The following MATR3 variants were observed in gnomAD, a reference collection of about 807,000 sequenced individuals.
MATR3 encodes matrin 3.
In MATR3, 4 loss-of-function variants were observed where a neutral mutation model predicts 85.5. That is an observed-to-expected ratio of 0.05 (90% CI 0.02 to 0.11). The LOEUF (loss-of-function observed/expected upper bound fraction) is 0.11, where lower values mean the gene tolerates loss of function less well. Ranked by LOEUF, MATR3 falls within the 10% of genes least tolerant of loss-of-function variation. The pLI is 1.00. For synonymous variants in MATR3, 336 were observed against 343.1 expected (o/e 0.98, Z 0.23); for missense variants, 685 against 1,016.1 (o/e 0.67, Z 4.43).
intron 7 of MATR3, 106 bp from the exon 8 acceptor site, chr5:139,318,802 C>A: frequency 9.8e-7 from 1 of 1,018,488 alleles, no homozygotes; most frequent in Non-Finnish European, 1.5e-6. Context: ...TTAAATATAT[C>A]TGAAAAGATT....
intron 5 of MATR3, among the ~76,000 whole-genome samples, chr5:139,316,471 C>G (rs987645186): frequency 3.3e-5 from 5 of 152,034 alleles, no homozygotes; most frequent in African/African-American, 1.2e-4. Context: ...GTCTCGAACT[C>G]TTGGCCTCAG....
intron 2 of MATR3, among the ~76,000 whole-genome samples, chr5:139,309,850 A>G (rs898957447): frequency 1.3e-5 from 2 of 152,140 alleles, no homozygotes; most frequent in Non-Finnish European, 2.9e-5. Context: ...GGTGACTCCA[A>G]TTTTTTCTGC....
At chr5:139,279,152 A>G (rs1753416810) in intron 3 of MATR3, 1 of 454,130 alleles carries the variant, frequency 2.2e-6, no homozygotes, top group African/African-American at 2.0e-5. Flanking sequence ...CTTGTCATGT[A>G]GGTCCCAATT....
chr5:139,320,743 C>CTTTTTTT lies in MATR3; in HGVS notation c.1603-1139_1603-1133dup, dbSNP rs1175972721. ...CTATTTTAATATCTTAAGCTTATTA[C>CTTTTTTT]TTTTTTTTTTTTTTTTTTTTTTGAG... On this transcript the variant is annotated intron_variant, in intron 9 of 14. Transcript: ENST00000394805. 1.0e-3 allele frequency among the ~76,000 whole-genome samples: 105 copies of CTTTTTTT among 102,410 alleles called. 1 individual carries two copies. Among genetic ancestry groups the CTTTTTTT allele is most frequent in the African/African-American group, 2.6e-3 (54 of 20,702 alleles). 67.2% of individuals were successfully genotyped at this position (102,410 alleles called of 152,430 possible).
intron 1 of MATR3, among the ~76,000 whole-genome samples, chr5:139,295,180 C>T (rs1013974612): frequency 2.6e-5 from 4 of 152,158 alleles, no homozygotes; most frequent in East Asian, 1.9e-4. Flanking sequence ...AAAAACATTT[C>T]TTTACTAATG....
At chr5:139,294,238 C>T (rs966815708) in intron 1 of MATR3, 15 of 414,796 alleles carry the variant, frequency 3.6e-5, no homozygotes, top group Non-Finnish European at 5.8e-5. Flanking sequence ...AGACTGTACA[C>T]TGGGGGCTTG....
At chr5:139,300,015 A>G (rs1482621088) in intron 1 of MATR3, 1 of 152,048 alleles carries the variant, frequency 6.6e-6, no homozygotes, top group African/African-American at 2.4e-5. Context: ...AAGATGTTTA[A>G]TTTTTCCACT....
intron 1 of MATR3, among the ~76,000 whole-genome samples, chr5:139,302,574 C>A (rs1295016131): frequency 6.6e-6 from 1 of 152,074 alleles, no homozygotes; most frequent in Non-Finnish European, 1.5e-5. Context: ...GAAACCTGTT[C>A]TTGAATTGAA....
chr5:139,308,321 T>C lies in MATR3; in HGVS notation c.906T>C (p.Ser302=). The C allele has an allele frequency of 6.2e-7, 1 of 1,614,138 alleles. No homozygotes were observed. The highest frequency in any genetic ancestry group is 1.1e-5 in the South Asian group (1 of 91,080). ...CTATATGTGATTTGCCAGTTCATTC[T>C]AATAAGGTGAGTTAACTCAACAGAT... The part of the protein sequence containing the change: ...LCSICDLPVH[S]NKEWSQHING... The change falls in exon 2 of 15, where the codon TCT becomes TCC. Residue 302 remains serine, a synonymous_variant. Transcript: ENST00000394805.
At chr5:139,298,182 T>A (rs1754257692) in intron 1 of MATR3, among the ~76,000 whole-genome samples, 1 of 152,196 alleles carries the variant, frequency 6.6e-6, no homozygotes, top group African/African-American at 2.4e-5. Context: ...CCGTCCCTCT[T>A]AACACACGGG....
chr5:139,317,251 A>G (rs1008761445), intron 6 of MATR3, 146 bp downstream of exon 6: 63 of 883,542 alleles, frequency 7.1e-5, no homozygotes, highest in Non-Finnish European at 1.0e-4. Context: ...TATGGCTTTG[A>G]TAACAGTTAA....
chr5:139,313,265 A>G (rs1054780713), intron 2 of MATR3: 2 of 152,042 alleles, frequency 1.3e-5, no homozygotes, highest in Admixed American at 6.5e-5. Flanking sequence ...TGAAACATCA[A>G]TAATAGTTGT....
At chr5:139,311,634 T>C (rs968998182) in intron 2 of MATR3, 5 of 151,852 alleles carry the variant, frequency 3.3e-5, no homozygotes, top group Admixed American at 6.6e-5. Context: ...AATAGAAGCA[T>C]GCGTAGTAGG....
chr5:139,306,405 A>G (rs186859215), intron 1 of MATR3, among the ~76,000 whole-genome samples: 4 of 152,304 alleles, frequency 2.6e-5, no homozygotes, highest in Non-Finnish European at 5.9e-5. Flanking sequence ...TGTAGCCCTG[A>G]GCATTAAATG....
At position 139,322,753 on chromosome 5, in the gene MATR3, A is replaced by G. The variant is rs1262763944; in HGVS notation, c.1934A>G (p.Glu645Gly). The G allele has an allele frequency of 6.2e-7, 1 of 1,614,184 alleles. No individual in the cohort carries two copies. The highest frequency in any genetic ancestry group is 1.7e-5 in the Admixed American group (1 of 60,020). ...AAAGACACAAAGGATGACCAGACAG[A>G]GCAGGAACCTAATATGCTTCTTGAA... ...GEKDTKDDQT[E>G]QEPNMLLESE... The change falls in exon 12 of 15, where the codon GAG becomes GGG. Residue 645 changes from glutamate to glycine, a missense_variant. Glu to Gly is a moderately conservative substitution (Grantham distance 98). Transcript: ENST00000394805.
chr5:139,283,079 TGTC>T (rs1264528049), intron 3 of MATR3: 2 of 152,252 alleles, frequency 1.3e-5, no homozygotes, highest in Non-Finnish European at 2.9e-5. Context: ...TTGAGCCTGT[TGTC>T]TTTTGAGAGT....
At chr5:139,293,679 T>G, upstream of MATR3, 2 of 282,258 alleles carry the variant, frequency 7.1e-6, no homozygotes, top group East Asian at 5.7e-5. Flanking sequence ...AGAGTGGGTT[T>G]GTTCTTGGGC....
At chr5:139,285,162 A>G (rs1251188077) in intron 3 of MATR3, 2 of 152,186 alleles carry the variant, frequency 1.3e-5, no homozygotes, top group East Asian at 1.9e-4. Flanking sequence ...TTCTTCAATC[A>G]TCAACCTCGT....
upstream of MATR3, among the ~76,000 whole-genome samples, chr5:139,290,438 CTTTTTTTTTTTTTT>C (rs762364450): frequency 5.4e-3 from 243 of 44,984 alleles, 4 homozygotes; most frequent in Middle Eastern, 0.059. Flanking sequence ...CCTGGCCGCT[CTTTTTTTTTTTTTT>C]TTTTTTTTTT....
Sources: allele counts gnomAD v4.1 joint callset (sites outside exome capture counted in the v4.1 genomes callset), GRCh38; gene constraint gnomAD v4.1.1; transcripts MANE v1.5; gene names NCBI Gene and HGNC (gene_info 2026-07-23, HGNC 2026-07-21).